HS6ST3: variants seen among roughly 807,000 people sequenced by gnomAD.
HS6ST3 encodes heparan sulfate 6-O-sulfotransferase 3.
Under a neutral mutation model 36.7 loss-of-function variants are expected in HS6ST3, and 12 were observed. That is an observed-to-expected ratio of 0.33 (90% CI 0.21 to 0.53). The LOEUF (loss-of-function observed/expected upper bound fraction) is 0.53, where lower values mean the gene tolerates loss of function less well. Among genes scored for constraint, HS6ST3 ranks in the 20% least tolerant of loss-of-function variants. The pLI is 0.95. For missense variants in HS6ST3, 584 were observed against 640.9 expected (o/e 0.91, Z 0.96); for synonymous variants, 240 against 257.5 (o/e 0.93, Z 0.65).
chr13:96,685,154 C>T (rs1240612339), intron 1 of HS6ST3, among the ~76,000 whole-genome samples: 1 of 152,030 alleles, frequency 6.6e-6, no homozygotes, highest in African/African-American at 2.4e-5. Flanking sequence ...AGCTATTATT[C>T]TCTCTGCCAT....
intron 1 of HS6ST3, among the ~76,000 whole-genome samples, chr13:96,202,611 T>C (rs1049277489): frequency 7.9e-5 from 12 of 152,284 alleles, no homozygotes; most frequent in African/African-American, 2.9e-4. Context: ...CCTGGCAGAG[T>C]TGCCCGAGAA....
At chr13:96,148,245 G>T (rs2054067434) in intron 1 of HS6ST3, among the ~76,000 whole-genome samples, 2 of 152,156 alleles carry the variant, frequency 1.3e-5, no homozygotes, top group South Asian at 4.1e-4. Flanking sequence ...ACAGCGTTTT[G>T]CTTAAAGTCA....
At chr13:96,389,359 T>A (rs77885133) in intron 1 of HS6ST3, among the ~76,000 whole-genome samples, 2,204 of 152,208 alleles carry the variant, frequency 0.014, 29 homozygotes, top group East Asian at 0.057. Flanking sequence ...AACATCATGT[T>A]GTAAACCTCA....
intron 1 of HS6ST3, among the ~76,000 whole-genome samples, chr13:96,583,908 A>G (rs2056351503): frequency 6.6e-6 from 1 of 152,200 alleles, no homozygotes; most frequent in South Asian, 2.1e-4. Flanking sequence ...TAAGATGCTT[A>G]GCATCCCTAG....
At chr13:96,675,081 G>GCCT (rs2056694783) in intron 1 of HS6ST3, among the ~76,000 whole-genome samples, 2 of 152,182 alleles carry the variant, frequency 1.3e-5, no homozygotes, top group Non-Finnish European at 2.9e-5. Context: ...CTTTATTACA[G>GCCT]GAGTCCAGTC....
intron 1 of HS6ST3, among the ~76,000 whole-genome samples, chr13:96,397,786 C>T (rs1369154249): frequency 6.6e-6 from 1 of 152,196 alleles, no homozygotes; most frequent in Non-Finnish European, 1.5e-5. Flanking sequence ...AACGATATGG[C>T]TTAGTAAGCA....
At chr13:96,765,843 A>G (rs1877099070) in intron 1 of HS6ST3, among the ~76,000 whole-genome samples, 1 of 152,106 alleles carries the variant, frequency 6.6e-6, no homozygotes, top group Non-Finnish European at 1.5e-5. Flanking sequence ...AGAGATGAGG[A>G]CATGTTCTAT....
At chr13:96,705,800 A>G (rs1312258180) in intron 1 of HS6ST3, among the ~76,000 whole-genome samples, 1 of 152,190 alleles carries the variant, frequency 6.6e-6, no homozygotes, top group African/African-American at 2.4e-5. Context: ...CAGCATGCTC[A>G]GTCTCCGTCC....
At chr13:96,316,909 T>G (rs1344599797) in intron 1 of HS6ST3, among the ~76,000 whole-genome samples, 2 of 152,180 alleles carry the variant, frequency 1.3e-5, no homozygotes, top group African/African-American at 4.8e-5. Flanking sequence ...TGATTTTTGT[T>G]TATTCTATAA....
At chr13:96,569,761 T>C (rs1451916166) in intron 1 of HS6ST3, among the ~76,000 whole-genome samples, 2 of 152,192 alleles carry the variant, frequency 1.3e-5, no homozygotes, top group African/African-American at 4.8e-5. Flanking sequence ...CCCATTTCTT[T>C]AAATAGGGAA....
intron 1 of HS6ST3, among the ~76,000 whole-genome samples, chr13:96,502,171 C>T (rs1479557894): frequency 6.6e-6 from 1 of 152,114 alleles, no homozygotes; most frequent in Non-Finnish European, 1.5e-5. Context: ...CTGTTCCTGA[C>T]CAGATTGGAG....
intron 1 of HS6ST3, among the ~76,000 whole-genome samples, chr13:96,739,027 C>T (rs1163042038): frequency 3.3e-5 from 5 of 152,148 alleles, no homozygotes; most frequent in African/African-American, 1.2e-4. Context: ...CAGCATTAAA[C>T]GCAACTGTCA....
At chr13:96,629,602 G>T (rs1192066080) in intron 1 of HS6ST3, among the ~76,000 whole-genome samples, 1 of 152,182 alleles carries the variant, frequency 6.6e-6, no homozygotes, top group Admixed American at 6.5e-5. Context: ...TCAGTCATCA[G>T]TGTTAATTGT....
chr13:96,778,565 A>T (rs1877450971), intron 1 of HS6ST3, among the ~76,000 whole-genome samples: 1 of 152,152 alleles, frequency 6.6e-6, no homozygotes. Flanking sequence ...CAAACATTTG[A>T]AAAAAAATCA....
At chr13:96,218,935 G>T (rs1176128114) in intron 1 of HS6ST3, among the ~76,000 whole-genome samples, 1 of 152,158 alleles carries the variant, frequency 6.6e-6, no homozygotes. Context: ...GTAGCCTGTG[G>T]TGGAGTATCT....
intron 1 of HS6ST3, among the ~76,000 whole-genome samples, chr13:96,548,733 CTAT>C (rs1274537682): frequency 2.0e-5 from 3 of 152,170 alleles, no homozygotes; most frequent in Non-Finnish European, 2.9e-5. Context: ...CCAGAAACTG[CTAT>C]TATTCTAGTT....
At chr13:96,106,343 CTCTG>C (rs1440627841) in intron 1 of HS6ST3, among the ~76,000 whole-genome samples, 3 of 152,050 alleles carry the variant, frequency 2.0e-5, no homozygotes, top group African/African-American at 7.3e-5. Context: ...TGTACATGCT[CTCTG>C]TCTGTCTCTT....
At chr13:96,460,107 A>G (rs1201156613) in intron 1 of HS6ST3, among the ~76,000 whole-genome samples, 1 of 152,204 alleles carries the variant, frequency 6.6e-6, no homozygotes, top group Non-Finnish European at 1.5e-5. Context: ...GAGCAAAGAT[A>G]TACACAACAC....
chr13:96,733,974 G>A (rs1462369261), intron 1 of HS6ST3, among the ~76,000 whole-genome samples: 1 of 152,104 alleles, frequency 6.6e-6, no homozygotes, highest in Non-Finnish European at 1.5e-5. Context: ...TTTCAATTCA[G>A]CCTACCTCCA....
Sources: gnomAD v4.1 joint callset for allele counts (sites outside exome capture counted in the v4.1 genomes callset) on GRCh38, gnomAD v4.1.1 for gene constraint, MANE v1.5 for transcripts, NCBI Gene and HGNC (gene_info 2026-07-23, HGNC 2026-07-21) for gene names.